The following IGF2R variants were observed in gnomAD, a reference collection of about 807,000 sequenced individuals.
The protein encoded by IGF2R is insulin like growth factor 2 receptor.
A neutral mutation model predicts 270.6 loss-of-function variants in IGF2R; 91 were observed. The observed-to-expected ratio is 0.34, with a 90% CI of 0.28 to 0.40. The LOEUF (loss-of-function observed/expected upper bound fraction) is 0.40. Among genes scored for constraint, IGF2R ranks in the 10% least tolerant of loss-of-function variants. IGF2R has a pLI of 1.00. For synonymous variants in IGF2R, 1,316 were observed against 1,258.9 expected (o/e 1.05, Z -0.96); for missense variants, 2,805 against 3,188.3 (o/e 0.88, Z 2.90).
intron 47 of IGF2R, 128 bp from the exon 48 acceptor site, chr6:160,104,546 C>T (rs2114746398): frequency 1.1e-6 from 1 of 909,788 alleles, no homozygotes; most frequent in East Asian, 2.5e-5. Flanking sequence ...GATGCAGTGA[C>T]TGTGAGGACA....
chr6:160,043,042 G>T, intron 11 of IGF2R, 106 bp from the exon 12 acceptor site: 1 of 1,251,126 alleles, frequency 8.0e-7, no homozygotes, highest in Non-Finnish European at 1.1e-6. Context: ...TGACGAAGTG[G>T]TTTGGGAACT....
rs529876898 is a variant in IGF2R, at chr6:160,098,843, A to T, written c.6842+2218A>T. On this transcript the variant is annotated intron_variant, in intron 45 of 47. Transcript: ENST00000356956. ...CAGGAAAAAAAATCATGTAACTATAACAAACAGGTAGCAATGTTCGCCCTA... is the reference window on the plus strand; with the variant it reads ...CAGGAAAAAAAATCATGTAACTATATCAAACAGGTAGCAATGTTCGCCCTA... 8.5e-5 allele frequency among the ~76,000 whole-genome samples: 13 copies of T among 152,302 alleles called. 1 individual carries two copies. In the East Asian group the frequency reaches 2.5e-3, roughly 29 times the overall value.
Position 160,064,907 on chromosome 6 carries a change from TC to T in IGF2R, c.4115+8del. 6.3e-7 allele frequency: 1 copy of T among 1,580,540 alleles called. No individual in the cohort carries two copies. Among genetic ancestry groups the T allele is most frequent in the Non-Finnish European group, 8.7e-7 (1 of 1,149,400 alleles). On this transcript the variant is annotated splice_region_variant and intron_variant, in intron 29 of 47. Transcript: ENST00000356956. ...CTGACTGAATGTTCATTCAAGTAAG[TC>T]CATGGATGTGTTGTCTCTTTTGGAC...
chr6:159,983,709 T>C (rs1783838546), intron 1 of IGF2R, among the ~76,000 whole-genome samples: 1 of 152,224 alleles, frequency 6.6e-6, no homozygotes, highest in Non-Finnish European at 1.5e-5. Flanking sequence ...CTGAGTTGTG[T>C]CACTGTTGGA....
intron 41 of IGF2R, among the ~76,000 whole-genome samples, chr6:160,087,140 T>C (rs3798176): frequency 0.45 from 68,542 of 151,986 alleles, 16,175 homozygotes; most frequent in East Asian, 0.67. Context: ...TTTCTTTTAA[T>C]GGGTCACTTT....
Position 159,980,237 on chromosome 6 carries a change from A to AAGAAAGAAAGGT in IGF2R, c.149+10844_149+10845insAAAGAAAGGTAG, listed in dbSNP as rs1783776068. Among the ~76,000 whole-genome samples, 2 of 143,944 alleles carry AAGAAAGAAAGGT rather than the reference A, an allele frequency of 1.4e-5. 1 individual carries two copies. Among genetic ancestry groups the AAGAAAGAAAGGT allele is most frequent in the Non-Finnish European group, 3.1e-5 (2 of 65,256 alleles). 94.4% of individuals were successfully genotyped at this position (143,944 alleles called of 152,430 possible). A position where few individuals can be genotyped will look rare whatever the true frequency, so the allele number is the denominator to read the frequency against. On this transcript the variant is annotated intron_variant, in intron 1 of 47. Transcript: ENST00000356956. ...AAAGAAAGAAAGAAAGAAAGAAAGA[A>AAGAAAGAAAGGT]AGGTACATGGAAGATTCGATTGCTT...
chr6:160,110,014 T>TTTTA lies in IGF2R; in HGVS notation c.*4930_*4931insTTTA, dbSNP rs1257487273. On this transcript the variant is annotated 3_prime_UTR_variant, in exon 48 of 48. Transcript: ENST00000356956. ...AAAATGAAAAGGACCTGAGCTCTAA[T>TTTTA]AAGTTTGGGAAATGCTGAATTGAAG... 1 of 152,234 alleles carries TTTTA rather than the reference T, an allele frequency of 6.6e-6. No homozygotes were observed. The highest frequency in any genetic ancestry group is 2.4e-5 in the African/African-American group (1 of 41,448). The allele number at this position is 152,234 out of a possible 1,614,324, so 9.4% of individuals were successfully genotyped here.
In IGF2R at chr6:160,040,670, G is replaced by A. The variant is rs377617959; in HGVS notation, c.1426G>A (p.Gly476Ser). 3.7e-6 allele frequency: 6 copies of A among 1,614,178 alleles called. No homozygotes were observed. The highest frequency in any genetic ancestry group is 2.2e-5 in the South Asian group (2 of 91,080). ...CVKEKEDLLC[G>S]ATDGKKRYDL... ...TAAGGAGAAGGAAGACCTCCTCTGC[G>A]GTGCCACCGACGGGAAGAAGCGCTA... is the stretch of plus-strand genomic sequence containing the variant. The change falls in exon 11 of 48, where the codon GGT becomes AGT. Residue 476 changes from glycine (G) to serine (S), a missense_variant. Gly to Ser is a moderately conservative substitution (Grantham distance 56). Around this residue, in one of 2 missense-constraint regions of IGF2R, gnomAD observed 954 missense variants for 981.1 expected, o/e 0.97. Transcript: ENST00000356956.
chr6:160,045,476 T>C (rs1778048087), intron 13 of IGF2R, among the ~76,000 whole-genome samples: 1 of 152,222 alleles, frequency 6.6e-6, no homozygotes, highest in African/African-American at 2.4e-5. Context: ...CCAGAACTTT[T>C]TGATCCTCCC....
At chr6:160,038,317 C>T (rs1357715552) in intron 10 of IGF2R, among the ~76,000 whole-genome samples, 1 of 152,170 alleles carries the variant, frequency 6.6e-6, no homozygotes, top group Non-Finnish European at 1.5e-5. Flanking sequence ...AGTCAAAGCC[C>T]AGTATGCTTA....
chr6:159,978,606 G>A (rs1783730982), intron 1 of IGF2R, among the ~76,000 whole-genome samples: 1 of 152,064 alleles, frequency 6.6e-6, no homozygotes, highest in Non-Finnish European at 1.5e-5. Context: ...CCAGGCCAGT[G>A]GCTTGGATGT....
At chr6:159,971,133 T>C (rs1007224215) in intron 1 of IGF2R, among the ~76,000 whole-genome samples, 7 of 152,210 alleles carry the variant, frequency 4.6e-5, no homozygotes, top group Admixed American at 4.6e-4. Context: ...CTAGTGTGGT[T>C]GAAGTCTTGG....
At position 160,103,779 on chromosome 6, in the gene IGF2R, T is replaced by C. The variant is rs138263736; in HGVS notation, c.7029T>C (p.Cys2343=). The change falls in exon 47 of 48, where the codon TGT becomes TGC. Residue 2343 remains cysteine, a synonymous_variant. Coordinates refer to ENST00000356956, the MANE Select transcript of IGF2R (RefSeq NM_000876.4). ...TGATAAGTAAGCTGACCACTTGCTG[T>C]AGGAGAAGTTCCAACGTGTCCTACA... The part of the protein sequence containing the change: ...ETVISKLTTC[C]RRSSNVSYKY... 1.3e-3 allele frequency: 2,076 copies of C among 1,612,300 alleles called. 28 individuals are homozygous for C. In the African/African-American group the frequency reaches 0.025, roughly 19 times the overall value.
intron 2 of IGF2R, chr6:160,006,597 T>C (rs1421543243): frequency 6.6e-6 from 1 of 152,282 alleles, no homozygotes; most frequent in Non-Finnish European, 1.5e-5. Flanking sequence ...GGCTGACTTT[T>C]GCTTGCAGGC....
At chr6:160,058,869 A>G in intron 21 of IGF2R, 37 bp from the exon 22 acceptor site, 3 of 1,586,934 alleles carry the variant, frequency 1.9e-6, no homozygotes, top group Non-Finnish European at 2.6e-6. Flanking sequence ...TACGAGGCAT[A>G]AATTTGTTTG....
intron 2 of IGF2R, among the ~76,000 whole-genome samples, chr6:160,000,533 C>T (rs780859527): frequency 1.4e-4 from 22 of 151,984 alleles, no homozygotes; most frequent in African/African-American, 2.4e-4. Context: ...AGAGCTAAGC[C>T]GCATCACCAG....
At position 160,034,575 on chromosome 6, in the gene IGF2R, T is replaced by TTG. The variant is rs996065481; in HGVS notation, c.1315+62_1315+63dup. 44 of 1,166,390 alleles carry TTG rather than the reference T, an allele frequency of 3.8e-5. No individual in the cohort carries two copies. In the African/African-American group the frequency reaches 6.2e-4, roughly 16 times the overall value. The allele number at this position is 1,166,390 out of a possible 1,614,324, so 72.3% of individuals were successfully genotyped here. On this transcript the variant is annotated intron_variant, in intron 10 of 47. Transcript: ENST00000356956. Reference sequence around the variant, plus strand: ...CCTCTTTGCATTCATGGGCATGTGCTTGTGTGTGTGCACAGGCGTGTTCTT... The same window carrying TTG: ...CCTCTTTGCATTCATGGGCATGTGCTTGTGTGTGTGTGCACAGGCGTGTTCTT...
intron 4 of IGF2R, among the ~76,000 whole-genome samples, chr6:160,019,532 G>T (rs1026327881): frequency 6.6e-6 from 1 of 152,034 alleles, no homozygotes; most frequent in African/African-American, 2.4e-5. Context: ...AAAACTAGAG[G>T]CCAATATCTA....
At chr6:159,970,217 A>G (rs530325403) in intron 1 of IGF2R, among the ~76,000 whole-genome samples, 9 of 152,272 alleles carry the variant, frequency 5.9e-5, no homozygotes, top group African/African-American at 1.9e-4. Context: ...TTCGAATTTC[A>G]GGAATTTTCT....
Sources: allele counts gnomAD v4.1 joint callset (sites outside exome capture counted in the v4.1 genomes callset), GRCh38; gene constraint gnomAD v4.1.1; regional missense constraint gnomAD v4.1.1; transcripts MANE v1.5; gene names NCBI Gene and HGNC (gene_info 2026-07-23, HGNC 2026-07-21).